Variants in XPR1 observed in about 807,000 individuals in gnomAD.
The protein encoded by XPR1 is xenotropic and polytropic retrovirus receptor 1.
XPR1 carries 28 observed loss-of-function variants against 87.5 expected under a neutral mutation model. The ratio of observed to expected loss-of-function variants is 0.32; its 90% CI spans 0.24 to 0.44. The LOEUF is 0.44. XPR1 is among the 20% of genes least tolerant of loss of function. The pLI, the probability that XPR1 is intolerant of heterozygous loss-of-function variation, is 1.00. For synonymous variants in XPR1, 300 were observed against 306.1 expected (o/e 0.98, Z 0.21); for missense variants, 559 against 862.3 (o/e 0.65, Z 4.41).
chr1:180,762,005 G>A (rs1648054998), intron 2 of XPR1, among the ~76,000 whole-genome samples: 1 of 151,582 alleles, frequency 6.6e-6, no homozygotes, highest in African/African-American at 2.4e-5. Flanking sequence ...ATCATTCTCA[G>A]CAAACTATCG....
chr1:180,877,591 G>C (rs568994012), intron 13 of XPR1, among the ~76,000 whole-genome samples: 14 of 152,270 alleles, frequency 9.2e-5, no homozygotes, highest in Admixed American at 3.3e-4. Flanking sequence ...GTTAACATAG[G>C]AAAGAACCCT....
intron 12 of XPR1, among the ~76,000 whole-genome samples, 159 bp downstream of exon 12, chr1:180,864,033 A>G (rs1383912530): frequency 6.6e-6 from 1 of 152,192 alleles, no homozygotes; most frequent in Non-Finnish European, 1.5e-5. Flanking sequence ...AAAATATATT[A>G]GATGTTTACT....
intron 8 of XPR1, 45 bp from the exon 9 acceptor site, chr1:180,825,120 A>T: frequency 6.5e-7 from 1 of 1,548,424 alleles, no homozygotes; most frequent in South Asian, 1.3e-5. Context: ...AAAAGTAAAA[A>T]TAACAATTTT....
At chr1:180,715,805 T>C (rs1413841127) in intron 2 of XPR1, among the ~76,000 whole-genome samples, 5 of 152,102 alleles carry the variant, frequency 3.3e-5, no homozygotes. Context: ...CCTGAGTAGC[T>C]GGAATTACAA....
chr1:180,736,768 G>A (rs1229636850), intron 2 of XPR1, among the ~76,000 whole-genome samples: 1 of 152,128 alleles, frequency 6.6e-6, no homozygotes, highest in African/African-American at 2.4e-5. Context: ...GTTAGGGTTG[G>A]GGTTGGGGTG....
intron 9 of XPR1, among the ~76,000 whole-genome samples, chr1:180,833,852 G>C (rs534488084): frequency 6.6e-6 from 1 of 152,178 alleles, no homozygotes; most frequent in Admixed American, 6.5e-5. Context: ...TTTGTCATAT[G>C]CTATCTGGAA....
intron 2 of XPR1, among the ~76,000 whole-genome samples, chr1:180,745,632 T>C (rs1659066991): frequency 6.6e-6 from 1 of 152,172 alleles, no homozygotes; most frequent in Non-Finnish European, 1.5e-5. Context: ...AGAAATCCCT[T>C]TCCTTCTCCT....
chr1:180,671,593 C>T (rs1007593304), intron 1 of XPR1, among the ~76,000 whole-genome samples: 6 of 152,062 alleles, frequency 3.9e-5, no homozygotes, highest in Admixed American at 1.3e-4. Context: ...GGCATGATCT[C>T]GGCTCACTGC....
chr1:180,876,126 A>T (rs1332003108), intron 13 of XPR1, among the ~76,000 whole-genome samples: 1 of 152,220 alleles, frequency 6.6e-6, no homozygotes, highest in Non-Finnish European at 1.5e-5. Flanking sequence ...TCTTCCAGAA[A>T]AAAAAAGAGC....
intron 1 of XPR1, among the ~76,000 whole-genome samples, chr1:180,663,929 C>T (rs1655868849): frequency 6.6e-6 from 1 of 152,136 alleles, no homozygotes; most frequent in South Asian, 2.1e-4. Flanking sequence ...TATAGGGCCA[C>T]AGGAAATACT....
At chr1:180,706,506 A>G (rs1490716506) in intron 2 of XPR1, among the ~76,000 whole-genome samples, 1 of 152,246 alleles carries the variant, frequency 6.6e-6, no homozygotes, top group Non-Finnish European at 1.5e-5. Context: ...ATGCATAGAA[A>G]TACTGTCTTT....
At chr1:180,839,970 T>C (rs1242239007) in intron 11 of XPR1, among the ~76,000 whole-genome samples, 1 of 151,550 alleles carries the variant, frequency 6.6e-6, no homozygotes, top group Non-Finnish European at 1.5e-5. Context: ...ACGCCTGTAA[T>C]CCCAGCACTT....
rs561039278 is a variant in XPR1 at position 180,753,078 on chromosome 1, A to G, written c.122-34675A>G. Among the ~76,000 whole-genome samples the G allele has an allele frequency of 4.6e-5, 7 of 152,334 alleles. No homozygotes were observed. In the East Asian group the frequency reaches 1.3e-3, roughly 29 times the overall value. ...GGCAGCATGATCTGAATTTGAATCC[A>G]TATTCTGCCCCTTAGTCAACTGTTG... On this transcript the variant is annotated intron_variant, in intron 2 of 14. Transcript: ENST00000367590.
chr1:180,633,794 A>AT (rs1383118866), intron 1 of XPR1, among the ~76,000 whole-genome samples: 1 of 152,204 alleles, frequency 6.6e-6, no homozygotes, highest in Non-Finnish European at 1.5e-5. Context: ...GATGGTTTTT[A>AT]TTGAAAGAAG....
intron 2 of XPR1, among the ~76,000 whole-genome samples, chr1:180,786,615 A>T (rs73036574): frequency 6.6e-6 from 1 of 152,144 alleles, no homozygotes; most frequent in Non-Finnish European, 1.5e-5. Context: ...TTGATAGGCT[A>T]TGTGACAGAA....
chr1:180,772,759 C>T (rs1648567254), intron 2 of XPR1, among the ~76,000 whole-genome samples: 1 of 152,202 alleles, frequency 6.6e-6, no homozygotes, highest in African/African-American at 2.4e-5. Context: ...CTTGCTCCTC[C>T]TTGCCTTTCA....
At chr1:180,713,281 A>G (rs557823806) in intron 2 of XPR1, among the ~76,000 whole-genome samples, 1 of 152,196 alleles carries the variant, frequency 6.6e-6, no homozygotes, top group African/African-American at 2.4e-5. Context: ...TTCAATTTCC[A>G]ATTGTTCATT....
intron 2 of XPR1, among the ~76,000 whole-genome samples, chr1:180,732,499 G>A (rs922495577): frequency 2.0e-5 from 3 of 152,144 alleles, no homozygotes; most frequent in Non-Finnish European, 4.4e-5. Flanking sequence ...AACTATTGAT[G>A]TGTGATTTTT....
chr1:180,883,990 C>T lies in XPR1; in HGVS notation c.2031-16C>T, dbSNP rs138118069. 1.7e-5 allele frequency: 27 copies of T among 1,611,012 alleles called. No individual in the cohort carries two copies. The highest frequency in any genetic ancestry group is 1.1e-4 in the African/African-American group (8 of 74,558). On this transcript the variant is annotated splice_polypyrimidine_tract_variant and intron_variant, in intron 14 of 14. Transcript: ENST00000367590. ...GTAATGGACTAAGTGCTTTTTGTCC[C>T]CCTTGTTACCACTAGATCCAAGGCT...
Sources: gnomAD v4.1 joint callset for allele counts (sites outside exome capture counted in the v4.1 genomes callset) on GRCh38, gnomAD v4.1.1 for gene constraint, MANE v1.5 for transcripts, NCBI Gene and HGNC (gene_info 2026-07-23, HGNC 2026-07-21) for gene names.